BUB1: variants seen among roughly 807,000 people sequenced by gnomAD.
BUB1 encodes BUB1 mitotic checkpoint serine/threonine kinase.
Under a neutral mutation model 135.2 loss-of-function variants are expected in BUB1, and 84 were observed. The observed-to-expected ratio is 0.62, with a 90% CI of 0.52 to 0.74. The LOEUF (loss-of-function observed/expected upper bound fraction) is 0.74, where lower values mean the gene tolerates loss of function less well. Ranked by LOEUF, BUB1 falls within the 30% of genes least tolerant of loss-of-function variation. The pLI, the probability that BUB1 is intolerant of heterozygous loss-of-function variation, is 0.00. For synonymous variants in BUB1, 403 were observed against 434.4 expected, an observed-to-expected ratio of 0.93 and a Z score of 0.90; for missense variants, 1,162 against 1,288.3, an observed-to-expected ratio of 0.90 and a Z score of 1.50.
At chr2:110,650,501 C>A in intron 18 of BUB1, 45 bp downstream of exon 18, 1 of 1,574,214 alleles carries the variant, frequency 6.4e-7, no homozygotes, top group South Asian at 1.1e-5. Flanking sequence ...TTTCCCCATG[C>A]TCCTGTCCTG....
intron 19 of BUB1, among the ~76,000 whole-genome samples, chr2:110,643,214 C>G (rs1288311513): frequency 6.6e-5 from 10 of 152,136 alleles, no homozygotes; most frequent in Non-Finnish European, 1.5e-4. Flanking sequence ...TAGAGACAGA[C>G]AAGTGGACGC....
Position 110,661,825 on chromosome 2 carries a change from A to G in BUB1, c.974T>C (p.Met325Thr). The G allele has an allele frequency of 1.2e-6, 2 of 1,614,170 alleles. No homozygotes were observed. Among genetic ancestry groups the G allele is most frequent in the Non-Finnish European group, 1.7e-6 (2 of 1,180,040 alleles). Residue 325 changes from methionine to threonine, a missense_variant, in exon 10 of 25, where the codon ATG becomes ACG. By Grantham distance (81) the Met-to-Thr change is moderately conservative. Coordinates refer to ENST00000302759, the MANE Select transcript of BUB1 (RefSeq NM_004336.5). ...CTGCTGGGAGCCTACACTTGGCCCC[A>G]TACGTGCTGGATTAACCTTTCATAT... The part of the protein sequence containing the change: ...QERSEVNPAR[M>T]GPSVGSQQEL...
At chr2:110,662,264 T>C (rs543440948) in intron 9 of BUB1, among the ~76,000 whole-genome samples, 1 of 152,082 alleles carries the variant, frequency 6.6e-6, no homozygotes, top group African/African-American at 2.4e-5. Flanking sequence ...GGGAAAAAAA[T>C]AAATAAATAA....
In BUB1 at chr2:110,655,789, G is replaced by A. The variant is rs745889829; in HGVS notation, c.1826C>T (p.Thr609Ile). 6.2e-7 allele frequency: 1 copy of A among 1,614,000 alleles called. No homozygotes were observed. Among genetic ancestry groups the A allele is most frequent in the Admixed American group, 1.7e-5 (1 of 60,002 alleles). Residue 609 changes from threonine to isoleucine, a missense_variant, in exon 16 of 25, where the codon ACA becomes ATA. Physicochemically the swap from Thr to Ile is moderately conservative, Grantham distance 89. Coordinates refer to ENST00000302759, the MANE Select transcript of BUB1 (RefSeq NM_004336.5). The stretch of plus-strand genomic sequence containing the variant: ...CTCCACTGGAAGCTTGTGGAATGGT[G>A]TAGACGCAAGTTGTGCAGCAGATGT... ...DFTSAAQLASTPFHKLPVESV... is the reference protein window; with the variant it reads ...DFTSAAQLASIPFHKLPVESV...
chr2:110,649,337 G>GA lies in BUB1; in HGVS notation c.2243dup (p.Lys749GlnfsTer8). Reference sequence around the variant, plus strand: ...GTTTAGAAAGCCCAGATAAAAGTTTGAAAATCAGCTTATCATCCCATGGGT... The same window carrying GA: ...GTTTAGAAAGCCCAGATAAAAGTTTGAAAAATCAGCTTATCATCCCATGGGT... On this transcript the variant is annotated frameshift_variant, in exon 19 of 25. Coordinates refer to ENST00000302759, the MANE Select transcript of BUB1 (RefSeq NM_004336.5). LOFTEE classifies it high-confidence loss of function. 1 of 1,587,402 alleles carries GA rather than the reference G, an allele frequency of 6.3e-7. No individual in the cohort carries two copies. Among genetic ancestry groups the GA allele is most frequent in the Non-Finnish European group, 8.6e-7 (1 of 1,166,382 alleles).
rs755038049 is a variant in BUB1 at position 110,677,986 on chromosome 2, G to T, written c.10C>A (p.Pro4Thr). 2 of 1,608,942 alleles carry T rather than the reference G, an allele frequency of 1.2e-6. No individual in the cohort carries two copies. Among genetic ancestry groups the T allele is most frequent in the Admixed American group, 1.7e-5 (1 of 59,414 alleles). The change falls in exon 1 of 25, where the codon CCG (proline) becomes ACG (threonine). Residue 4 changes from proline (P) to threonine (T), a missense_variant. By Grantham distance (38) the Pro-to-Thr change is conservative. Coordinates refer to ENST00000302759, the MANE Select transcript of BUB1 (RefSeq NM_004336.5). MDT[P>T]ENVLQMLEAH... Reference sequence around the variant, plus strand: ...GACACTTACTGAAGGACATTTTCCGGGGTGTCCATGGCCAGAGGACGCTGG... The same window carrying T: ...GACACTTACTGAAGGACATTTTCCGTGGTGTCCATGGCCAGAGGACGCTGG...
Position 110,637,621 on chromosome 2 carries a change from T to TGTG in BUB1, c.*342_*343insCAC. 3 of 165,354 alleles carry TGTG rather than the reference T, an allele frequency of 1.8e-5. No homozygotes were observed. Among genetic ancestry groups the TGTG allele is most frequent in the East Asian group, 3.4e-4 (2 of 5,864 alleles). The allele number at this position is 165,354 out of a possible 1,614,324, so 10.2% of individuals were successfully genotyped here. A position where few individuals can be genotyped will look rare whatever the true frequency, so the allele number is the denominator to read the frequency against. On this transcript the variant is annotated 3_prime_UTR_variant, in exon 25 of 25. Coordinates refer to ENST00000302759, the MANE Select transcript of BUB1 (RefSeq NM_004336.5). ...GTGTGTGTGTGTGTGTGTGTGTGTG[T>TGTG]TTACACAGACACCAAACTTCAAATT...
At chr2:110,661,343 T>C (rs1690076843) in intron 10 of BUB1, 1 of 499,932 alleles carries the variant, frequency 2.0e-6, no homozygotes, top group Admixed American at 3.8e-5. Context: ...TTTCAGGTAC[T>C]GAAAATTTTT....
At chr2:110,645,145 G>A (rs1346767680) in intron 19 of BUB1, among the ~76,000 whole-genome samples, 1 of 152,058 alleles carries the variant, frequency 6.6e-6, no homozygotes, top group Non-Finnish European at 1.5e-5. Context: ...GAAAAGTAAA[G>A]GGATAAGCCC....
In BUB1 at chr2:110,641,294, G is replaced by C. The variant is rs770734137; in HGVS notation, c.2783+13C>G. 6.2e-7 allele frequency: 1 copy of C among 1,602,260 alleles called. No homozygotes were observed. The stretch of plus-strand genomic sequence containing the variant: ...TAGGAAGAGAAGAACCCTGTTAAAA[G>C]CATAACACTTGCCCGTTTCCAAGTA... On this transcript the variant is annotated intron_variant, in intron 22 of 24. Transcript: ENST00000302759.
At chr2:110,646,095 G>T (rs940587398) in intron 19 of BUB1, among the ~76,000 whole-genome samples, 1 of 148,428 alleles carries the variant, frequency 6.7e-6, no homozygotes, top group Non-Finnish European at 1.5e-5. Context: ...ACTTTGGGAG[G>T]CCAAGACAGA....
intron 16 of BUB1, 79 bp downstream of exon 16, chr2:110,655,660 A>T: frequency 3.1e-6 from 4 of 1,294,648 alleles, no homozygotes; most frequent in Non-Finnish European, 4.2e-6. Flanking sequence ...GAAGAAAACT[A>T]CAAGAATCAA....
chr2:110,676,822 T>C (rs1052579814), intron 1 of BUB1, among the ~76,000 whole-genome samples: 4 of 152,108 alleles, frequency 2.6e-5, no homozygotes, highest in African/African-American at 9.7e-5. Flanking sequence ...GAAAAACGGT[T>C]ACATGTGACA....
intron 1 of BUB1, among the ~76,000 whole-genome samples, chr2:110,677,719 C>G (rs1207755401): frequency 6.6e-6 from 1 of 152,224 alleles, no homozygotes; most frequent in African/African-American, 2.4e-5. Flanking sequence ...GAGGGCCTAA[C>G]GAATTATCCA....
intron 16 of BUB1, among the ~76,000 whole-genome samples, chr2:110,654,060 C>G (rs1689856660): frequency 6.6e-6 from 1 of 152,028 alleles, no homozygotes; most frequent in African/African-American, 2.4e-5. Flanking sequence ...TTCCTATAAT[C>G]CTTCAAGAAA....
chr2:110,647,490 CAT>C (rs1689672606), intron 19 of BUB1, among the ~76,000 whole-genome samples: 1 of 151,884 alleles, frequency 6.6e-6, no homozygotes, highest in African/African-American at 2.4e-5. Flanking sequence ...ATCATATAAT[CAT>C]ATCAATAAAT....
intron 1 of BUB1, chr2:110,674,788 A>G: frequency 4.4e-6 from 1 of 227,192 alleles, no homozygotes; most frequent in Non-Finnish European, 8.6e-6. Flanking sequence ...GCACTGACTC[A>G]GACCTCTGCC....
At chr2:110,663,047 G>A (rs1259223584) in intron 9 of BUB1, among the ~76,000 whole-genome samples, 3 of 152,126 alleles carry the variant, frequency 2.0e-5, no homozygotes, top group East Asian at 1.9e-4. Context: ...GTTGGAGGCC[G>A]AGGTAGGTGG....
chr2:110,649,197 C>T, intron 19 of BUB1, 37 bp downstream of exon 19: 2 of 1,575,118 alleles, frequency 1.3e-6, no homozygotes, highest in South Asian at 1.1e-5. Context: ...CATAGAGAAA[C>T]AAGAATTTAA....
Sources: gnomAD v4.1 joint callset for allele counts (sites outside exome capture counted in the v4.1 genomes callset) on GRCh38, gnomAD v4.1.1 for gene constraint, MANE v1.5 for transcripts, NCBI Gene and HGNC (gene_info 2026-07-23, HGNC 2026-07-21) for gene names.